The following CNTN5 variants were observed in gnomAD, a reference collection of about 807,000 sequenced individuals.
The protein encoded by CNTN5 is contactin 5, also known as contactin-5.
CNTN5 carries 77 observed loss-of-function variants against 129.1 expected under a neutral mutation model. The ratio of observed to expected loss-of-function variants is 0.60; its 90% CI spans 0.50 to 0.72. The LOEUF (loss-of-function observed/expected upper bound fraction) is 0.72, where lower values mean the gene tolerates loss of function less well. CNTN5 is among the 30% of genes least tolerant of loss of function. The probability of loss-of-function intolerance (pLI) is 0.00; values close to 1 mark genes in which losing one functional copy is unlikely to be tolerated. For synonymous variants in CNTN5, 509 were observed against 465.6 expected (o/e 1.09, Z -1.20); for missense variants, 1,478 against 1,328.8 (o/e 1.11, Z -1.75).
chr11:100,120,701 C>CAA (rs1945988664), intron 13 of CNTN5, among the ~76,000 whole-genome samples: 1 of 151,450 alleles, frequency 6.6e-6, no homozygotes, highest in African/African-American at 2.4e-5. Flanking sequence ...ATAATAGGGT[C>CAA]AAAAGTGACA....
chr11:100,003,020 A>G (rs777560426), intron 9 of CNTN5, among the ~76,000 whole-genome samples: 3 of 152,110 alleles, frequency 2.0e-5, no homozygotes, highest in Non-Finnish European at 4.4e-5. Flanking sequence ...GTGATTATTA[A>G]AGTAGGTTTA....
At chr11:100,116,379 A>C (rs557106144) in intron 13 of CNTN5, among the ~76,000 whole-genome samples, 64 of 152,166 alleles carry the variant, frequency 4.2e-4, no homozygotes, top group African/African-American at 1.5e-3. Flanking sequence ...CTTGCAAAAC[A>C]ACCTGTAGAG....
chr11:99,475,532 A>G (rs995470281), intron 2 of CNTN5, among the ~76,000 whole-genome samples: 1 of 152,106 alleles, frequency 6.6e-6, no homozygotes, highest in African/African-American at 2.4e-5. Flanking sequence ...CTTACACTGT[A>G]TTATACTTTT....
At chr11:99,336,467 T>C (rs918124826) in intron 2 of CNTN5, among the ~76,000 whole-genome samples, 2 of 152,172 alleles carry the variant, frequency 1.3e-5, no homozygotes, top group African/African-American at 4.8e-5. Flanking sequence ...TACTGTAAAA[T>C]AGAAATATTA....
intron 3 of CNTN5, among the ~76,000 whole-genome samples, chr11:99,755,376 T>G (rs140948382): frequency 2.6e-4 from 40 of 152,332 alleles, no homozygotes; most frequent in African/African-American, 9.6e-4. Context: ...CTTCACATTC[T>G]CAACAGCATT....
At chr11:99,369,279 T>A (rs1297177940) in intron 2 of CNTN5, among the ~76,000 whole-genome samples, 1 of 146,350 alleles carries the variant, frequency 6.8e-6, no homozygotes, top group East Asian at 1.9e-4. Flanking sequence ...TTTTCTAAAA[T>A]ATATGCTCTA....
intron 1 of CNTN5, among the ~76,000 whole-genome samples, chr11:99,149,480 T>C (rs1316843335): frequency 1.3e-5 from 2 of 152,152 alleles, no homozygotes; most frequent in Non-Finnish European, 2.9e-5. Flanking sequence ...CTTATTATTT[T>C]AGAATACTAG....
Position 99,295,994 on chromosome 11 carries a change from G to T in CNTN5, c.-209-29352G>T, listed in dbSNP as rs181004364. 2.6e-3 allele frequency among the ~76,000 whole-genome samples: 388 copies of T among 152,072 alleles called. 5 individuals are homozygous for T. The highest frequency in any genetic ancestry group is 9.0e-3 in the African/African-American group (374 of 41,494). On this transcript the variant is annotated intron_variant, in intron 1 of 24. Coordinates refer to ENST00000524871, the MANE Select transcript of CNTN5 (RefSeq NM_014361.4). Reference sequence around the variant, plus strand: ...TATCTTTTATCTATTAAAGCATAAGGTTATTCATTTATAAGGCTGGCTGCA... The same window carrying T: ...TATCTTTTATCTATTAAAGCATAAGTTTATTCATTTATAAGGCTGGCTGCA...
At chr11:99,415,381 C>G (rs934541682) in intron 2 of CNTN5, among the ~76,000 whole-genome samples, 1 of 152,104 alleles carries the variant, frequency 6.6e-6, no homozygotes, top group Non-Finnish European at 1.5e-5. Context: ...CAAGGCTTGT[C>G]TGTTCAGCTT....
At chr11:100,208,805 C>T (rs775123483) in intron 15 of CNTN5, among the ~76,000 whole-genome samples, 1 of 152,176 alleles carries the variant, frequency 6.6e-6, no homozygotes, top group African/African-American at 2.4e-5. Context: ...TGACTCAAAT[C>T]TAATGGTCAG....
intron 8 of CNTN5, among the ~76,000 whole-genome samples, chr11:99,990,891 CATT>C (rs1175027063): frequency 2.0e-5 from 3 of 152,178 alleles, no homozygotes; most frequent in Non-Finnish European, 4.4e-5. Flanking sequence ...TCAGCTCTCT[CATT>C]ATGTATGAGA....
chr11:99,642,667 C>A (rs1185463941), intron 3 of CNTN5, among the ~76,000 whole-genome samples: 1 of 152,074 alleles, frequency 6.6e-6, no homozygotes, highest in Non-Finnish European at 1.5e-5. Context: ...TAACTGTAGT[C>A]ACGCTACTGT....
At chr11:100,240,266 G>A (rs571451573) in intron 16 of CNTN5, among the ~76,000 whole-genome samples, 2 of 148,748 alleles carry the variant, frequency 1.3e-5, no homozygotes, top group Non-Finnish European at 2.9e-5. Flanking sequence ...CTCTATTTAA[G>A]TGCTTCTGCA....
chr11:99,851,734 C>T (rs1482599339), intron 6 of CNTN5, among the ~76,000 whole-genome samples: 2 of 152,184 alleles, frequency 1.3e-5, no homozygotes, highest in African/African-American at 4.8e-5. Flanking sequence ...CATTAGTTTT[C>T]CTTGAAGCAG....
chr11:99,121,120 GTTCT>G (rs1365908774), intron 1 of CNTN5, among the ~76,000 whole-genome samples: 173 of 144,746 alleles, frequency 1.2e-3, no homozygotes, highest in Middle Eastern at 3.6e-3. Flanking sequence ...GGTTTTAACT[GTTCT>G]TTCTTTCTTT....
At chr11:100,068,437 ACT>A (rs1943778136) in intron 10 of CNTN5, among the ~76,000 whole-genome samples, 4 of 152,190 alleles carry the variant, frequency 2.6e-5, no homozygotes, top group South Asian at 4.1e-4. Flanking sequence ...GAAGTAGAAC[ACT>A]CTATGTAGAG....
chr11:100,044,713 T>G (rs1942574521), intron 9 of CNTN5, among the ~76,000 whole-genome samples: 1 of 152,110 alleles, frequency 6.6e-6, no homozygotes, highest in Admixed American at 6.6e-5. Context: ...AAGTTCATTG[T>G]ATATTCTGGA....
chr11:100,156,332 C>G (rs953961200), intron 13 of CNTN5, among the ~76,000 whole-genome samples: 1 of 152,008 alleles, frequency 6.6e-6, no homozygotes, highest in Admixed American at 6.6e-5. Context: ...TGAACCAGCC[C>G]TGCATCCCAG....
At chr11:99,616,198 C>T (rs758110186) in intron 3 of CNTN5, among the ~76,000 whole-genome samples, 76 of 152,204 alleles carry the variant, frequency 5.0e-4, no homozygotes, top group South Asian at 1.0e-3. Context: ...TTTATAAGTC[C>T]GCTCTGTTCC....
Sources: allele counts gnomAD v4.1 joint callset (sites outside exome capture counted in the v4.1 genomes callset), GRCh38; gene constraint gnomAD v4.1.1; transcripts MANE v1.5; gene names NCBI Gene and HGNC (gene_info 2026-07-23, HGNC 2026-07-21).